RBL2: variants seen among roughly 807,000 people sequenced by gnomAD.
RBL2 encodes the protein RB transcriptional corepressor like 2, also known as retinoblastoma-like protein 2.
RBL2 carries 56 observed loss-of-function variants against 126.0 expected under a neutral mutation model. The observed-to-expected ratio is 0.44, with a 90% CI of 0.36 to 0.56. RBL2 has a LOEUF of 0.56. RBL2 is among the 20% of genes least tolerant of loss of function. The pLI, the probability that RBL2 is intolerant of heterozygous loss-of-function variation, is 0.00. For missense variants in RBL2, 1,229 were observed against 1,398.2 expected (o/e 0.88, Z 1.93); for synonymous variants, 454 against 478.5 (o/e 0.95, Z 0.67).
rs1414203314 is a variant in RBL2, at chr16:53,468,840, C to T, written c.1976-1076C>T. On this transcript the variant is annotated intron_variant, in intron 14 of 21. Coordinates refer to ENST00000262133, the MANE Select transcript of RBL2 (RefSeq NM_005611.4). ...AAGGAAGAAATGCTTCTCAAAAATT[C>T]AGACATTGGTGTGAATACTTAAAAA... 3.3e-5 allele frequency among the ~76,000 whole-genome samples: 5 copies of T among 152,248 alleles called. 1 individual carries two copies. In the South Asian group the frequency reaches 8.3e-4, roughly 25 times the overall value.
rs1961366831 is a variant in RBL2 at position 53,490,308 on chromosome 16, C to T, written c.*8C>T. ...GACCGTGGTTCCCACTGAGGTTAGT[C>T]TCTTGTATTAAACTCTTCACAAAAT... is the stretch of plus-strand genomic sequence containing the variant. On this transcript the variant is annotated 3_prime_UTR_variant, in exon 22 of 22. Coordinates refer to ENST00000262133, the MANE Select transcript of RBL2 (RefSeq NM_005611.4). The T allele has an allele frequency of 1.9e-6, 3 of 1,587,572 alleles. No individual in the cohort carries two copies. The highest frequency in any genetic ancestry group is 1.8e-5 in the Admixed American group (1 of 56,982).
Position 53,452,212 on chromosome 16 carries a change from G to A in RBL2, c.766+381G>A, listed in dbSNP as rs1164109885. Among the ~76,000 whole-genome samples, 4 of 152,016 alleles carry A rather than the reference G, an allele frequency of 2.6e-5. No individual in the cohort carries two copies. The East Asian group carries it at 7.7e-4, about 29-fold the overall frequency. On this transcript the variant is annotated intron_variant, in intron 5 of 21. Coordinates refer to ENST00000262133, the MANE Select transcript of RBL2 (RefSeq NM_005611.4). ...TTGAAAGAATCTTACTTCAAATTTT[G>A]GTACAGAAGAATAGTTATGGTTCTA... is the stretch of plus-strand genomic sequence containing the variant.
intron 17 of RBL2, among the ~76,000 whole-genome samples, chr16:53,476,329 TTTCA>T (rs1421538817): frequency 1.3e-5 from 2 of 152,236 alleles, no homozygotes; most frequent in African/African-American, 4.8e-5. Context: ...TGATTTCTAC[TTTCA>T]TTGTGATTGA....
chr16:53,446,971 T>C, intron 3 of RBL2, 71 bp from the exon 4 acceptor site: 1 of 925,446 alleles, frequency 1.1e-6, no homozygotes, highest in South Asian at 1.9e-5. Flanking sequence ...TACACCTGAT[T>C]TATAATCATT....
chr16:53,436,422 A>G (rs979285458), intron 1 of RBL2, among the ~76,000 whole-genome samples: 2 of 152,174 alleles, frequency 1.3e-5, no homozygotes, highest in Non-Finnish European at 2.9e-5. Context: ...CTTTAGTTTC[A>G]GCTTCTTAGC....
chr16:53,445,233 G>C lies in RBL2; in HGVS notation c.573-1809G>C, dbSNP rs147281869. ...TCCCAGCTACTGGGGAGGCTGAGGTGGGGGGATCACTTGAGCCTGGGAGGT... is the reference window on the plus strand; with the variant it reads ...TCCCAGCTACTGGGGAGGCTGAGGTCGGGGGATCACTTGAGCCTGGGAGGT... On this transcript the variant is annotated intron_variant, in intron 3 of 21. Transcript: ENST00000262133. Among the ~76,000 whole-genome samples, 995 of 151,834 alleles carry C rather than the reference G, an allele frequency of 6.6e-3. 7 individuals carry two copies. The highest frequency in any genetic ancestry group is 0.023 in the African/African-American group (933 of 41,398).
At chr16:53,442,967 A>G in intron 3 of RBL2, 109 bp downstream of exon 3, 1 of 894,958 alleles carries the variant, frequency 1.1e-6, no homozygotes. Flanking sequence ...AGATTTAAAA[A>G]ATCTTTTTCC....
At chr16:53,449,680 A>C (rs116144127) in intron 4 of RBL2, 1 of 151,790 alleles carries the variant, frequency 6.6e-6, no homozygotes, top group Non-Finnish European at 1.5e-5. Context: ...TAGTCATTTA[A>C]TTGCTTTAAT....
chr16:53,457,868 T>C lies in RBL2; in HGVS notation c.1180-1583T>C, dbSNP rs182862308. Among the ~76,000 whole-genome samples the C allele has an allele frequency of 4.7e-4, 72 of 152,306 alleles. 1 individual carries two copies. Among genetic ancestry groups the C allele is most frequent in the African/African-American group, 1.3e-3 (54 of 41,578 alleles). ...TCACACCTAGTTTCCTCTGTGAAACTACTGCTGCCTGTGGGTGATGTGGTT... is the reference window on the plus strand; with the variant it reads ...TCACACCTAGTTTCCTCTGTGAAACCACTGCTGCCTGTGGGTGATGTGGTT... On this transcript the variant is annotated intron_variant, in intron 8 of 21. Transcript: ENST00000262133.
intron 5 of RBL2, 145 bp downstream of exon 5, chr16:53,451,976 C>G: frequency 1.1e-6 from 1 of 898,452 alleles, no homozygotes; most frequent in Non-Finnish European, 1.6e-6. Context: ...AAGAGTCAAG[C>G]TGCCTGTAAA....
chr16:53,453,830 A>T (rs1012353841), intron 7 of RBL2, 61 bp downstream of exon 7: 1 of 1,391,390 alleles, frequency 7.2e-7, no homozygotes, highest in Non-Finnish European at 9.9e-7. Flanking sequence ...AAACTTCAGA[A>T]GTTAGTGTTT....
At position 53,467,127 on chromosome 16, in the gene RBL2, A is replaced by T; in HGVS notation, c.1933A>T (p.Arg645Trp). The T allele has an allele frequency of 1.2e-6, 2 of 1,614,078 alleles. No homozygotes were observed. The highest frequency in any genetic ancestry group is 1.7e-6 in the Non-Finnish European group (2 of 1,179,976). Residue 645 changes from arginine to tryptophan, a missense_variant, in exon 14 of 22, where the codon AGG (arginine) becomes TGG (tryptophan). This residue lies in a region of RBL2 where 1,070 missense variants were observed against 1,274.3 expected (regional missense o/e 0.84). Transcript: ENST00000262133. Reference protein sequence around the residue: ...CIAGSPLTPRRVTEVRADTGG... With the variant: ...CIAGSPLTPRWVTEVRADTGG... ...TGCTGGCTCCCCTTTGACTCCCAGAAGGGTGACTGAAGTTCGTGCTGATAC... is the reference window on the plus strand; with the variant it reads ...TGCTGGCTCCCCTTTGACTCCCAGATGGGTGACTGAAGTTCGTGCTGATAC...
At chr16:53,470,346 T>C in intron 15 of RBL2, 37 bp from the exon 16 acceptor site, 1 of 1,600,266 alleles carries the variant, frequency 6.2e-7, no homozygotes. Context: ...CCTCTTATTA[T>C]CAACATTTTC....
chr16:53,489,215 T>C (rs1961297717), intron 21 of RBL2: 1 of 152,164 alleles, frequency 6.6e-6, no homozygotes, highest in African/African-American at 2.4e-5. Context: ...TTTAAAATAA[T>C]CTGGGGAATG....
chr16:53,480,811 A>G (rs763240370), intron 20 of RBL2, 42 bp downstream of exon 20: 35 of 1,556,010 alleles, frequency 2.2e-5, no homozygotes, highest in Non-Finnish European at 3.0e-5. Flanking sequence ...TTCACTCATG[A>G]GTGTTGAGGA....
intron 11 of RBL2, among the ~76,000 whole-genome samples, 178 bp downstream of exon 11, chr16:53,462,833 G>A (rs2058235831): frequency 6.6e-6 from 1 of 151,964 alleles, no homozygotes; most frequent in Non-Finnish European, 1.5e-5. Context: ...TTTTATGTAT[G>A]TATGTATGTA....
intron 17 of RBL2, among the ~76,000 whole-genome samples, chr16:53,471,938 A>G (rs1960538971): frequency 6.6e-6 from 1 of 152,178 alleles, no homozygotes. Context: ...TACCTCCCAC[A>G]GCACCTGGCA....
Position 53,442,665 on chromosome 16 carries a change from G to T in RBL2, c.379G>T (p.Glu127Ter). The T allele has an allele frequency of 6.2e-7, 1 of 1,610,556 alleles. No homozygotes were observed. Among genetic ancestry groups the T allele is most frequent in the South Asian group, 1.1e-5 (1 of 90,498 alleles). ...ILKCSEQSLI[E>*]FFNKMKKWED... ...GTTTGTCTTTAATACCAGCTTAATC[G>T]AATTTTTTAATAAGATGAAGAAGTG... is the stretch of plus-strand genomic sequence containing the variant. Residue 127 changes from glutamate to a stop codon, truncating the protein, a stop_gained, in exon 3 of 22, where the codon GAA becomes TAA. Transcript: ENST00000262133. LOFTEE classifies it high-confidence loss of function.
intron 1 of RBL2, 34 bp downstream of exon 1, chr16:53,434,830 A>T: frequency 6.8e-7 from 1 of 1,468,890 alleles, no homozygotes; most frequent in Non-Finnish European, 9.0e-7. Context: ...CTTCCGGCCT[A>T]GTTGGCGTGA....
Sources: gnomAD v4.1 joint callset for allele counts (sites outside exome capture counted in the v4.1 genomes callset) on GRCh38, gnomAD v4.1.1 for gene constraint, gnomAD v4.1.1 regional missense constraint, MANE v1.5 for transcripts, NCBI Gene and HGNC (gene_info 2026-07-23, HGNC 2026-07-21) for gene names.